The following ITPR2 variants were observed in gnomAD, a reference collection of about 807,000 sequenced individuals.
The protein encoded by ITPR2 is inositol 1,4,5-trisphosphate-gated calcium channel ITPR2.
ITPR2 carries 207 observed loss-of-function variants against 317.1 expected under a neutral mutation model. That is an observed-to-expected ratio of 0.65 (90% CI 0.58 to 0.73). The LOEUF (loss-of-function observed/expected upper bound fraction) is 0.73. Among genes scored for constraint, ITPR2 ranks in the 30% least tolerant of loss-of-function variants. The pLI is 0.00. For synonymous variants in ITPR2, 1,156 were observed against 1,149.1 expected, an observed-to-expected ratio of 1.01 and a Z score of -0.12; for missense variants, 2,613 against 3,284.0, an observed-to-expected ratio of 0.80 and a Z score of 4.99.
intron 1 of ITPR2, among the ~76,000 whole-genome samples, chr12:26,818,086 T>C (rs1222990893): frequency 6.6e-6 from 1 of 152,258 alleles, no homozygotes; most frequent in Non-Finnish European, 1.5e-5. Flanking sequence ...TTTTGTTCAA[T>C]TAAATATGTT....
In ITPR2 at chr12:26,654,078, T is replaced by G; in HGVS notation, c.2638A>C (p.Ser880Arg). 6.6e-7 allele frequency: 1 copy of G among 1,519,784 alleles called. No individual in the cohort carries two copies. The highest frequency in any genetic ancestry group is 8.8e-7 in the Non-Finnish European group (1 of 1,133,224). The allele number at this position is 1,519,784 out of a possible 1,614,324, so 94.1% of individuals were successfully genotyped here. ...NLIYFGFYSF[S>R]ELLRLTRTLL... is the part of the protein sequence containing the mutation. ...GTTCTTGTTAGCCTTAATAACTCAC[T>G]GAAACTATAAAATCCAAAGTATATA... is the stretch of plus-strand genomic sequence containing the variant. Residue 880 changes from serine (S) to arginine (R), a missense_variant, in exon 21 of 57, where the codon AGT (serine) becomes CGT (arginine). Transcript: ENST00000381340.
At chr12:26,458,274 G>A (rs1941937614) in intron 45 of ITPR2, among the ~76,000 whole-genome samples, 1 of 152,166 alleles carries the variant, frequency 6.6e-6, no homozygotes, top group African/African-American at 2.4e-5. Flanking sequence ...GGCGGTACGG[G>A]GGCCCAGGTG....
At chr12:26,469,384 C>A (rs1371491676) in intron 45 of ITPR2, among the ~76,000 whole-genome samples, 1 of 152,114 alleles carries the variant, frequency 6.6e-6, no homozygotes. Flanking sequence ...TTTAAATATG[C>A]CAAGTTCATT....
At chr12:26,518,421 A>G (rs988898828) in intron 37 of ITPR2, among the ~76,000 whole-genome samples, 1 of 152,126 alleles carries the variant, frequency 6.6e-6, no homozygotes, top group African/African-American at 2.4e-5. Context: ...ATCAGGAACT[A>G]TGCTTATTAC....
chr12:26,479,353 TTTTTACATAG>T lies in ITPR2; in HGVS notation c.6123+1768_6123+1777del, dbSNP rs369333763. On this transcript the variant is annotated intron_variant, in intron 43 of 56. Transcript: ENST00000381340. ...TTAAGTGATGCCCTCTCACTTAATTTTTTTACATAGGCTTTGATTTGTAAATAATCTATAT... is the reference window on the plus strand; with the variant it reads ...TTAAGTGATGCCCTCTCACTTAATTTGCTTTGATTTGTAAATAATCTATAT... Among the ~76,000 whole-genome samples, 7 of 151,604 alleles carry T rather than the reference TTTTTACATAG, an allele frequency of 4.6e-5. No homozygotes were observed. In the East Asian group the frequency reaches 1.3e-3, roughly 29 times the overall value.
chr12:26,685,662 T>G (rs1948110648), intron 11 of ITPR2, among the ~76,000 whole-genome samples: 1 of 152,138 alleles, frequency 6.6e-6, no homozygotes, highest in African/African-American at 2.4e-5. Flanking sequence ...TGTAAGATAT[T>G]GTCTTACCTT....
At position 26,820,026 on chromosome 12, in the gene ITPR2, A is replaced by G. The variant is rs182748497; in HGVS notation, c.92+12664T>C. 9.3e-3 allele frequency among the ~76,000 whole-genome samples: 1,415 copies of G among 152,276 alleles called. 16 individuals carry two copies. Among genetic ancestry groups the G allele is most frequent in the African/African-American group, 0.032 (1,324 of 41,544 alleles). Reference sequence around the variant, plus strand: ...GCAGAGGTTGCAGTGAGTCAAGATCATGCCACTGCACTCCAGCCTGGGTGA... The same window carrying G: ...GCAGAGGTTGCAGTGAGTCAAGATCGTGCCACTGCACTCCAGCCTGGGTGA... On this transcript the variant is annotated intron_variant, in intron 1 of 56. Coordinates refer to ENST00000381340, the MANE Select transcript of ITPR2 (RefSeq NM_002223.4).
intron 39 of ITPR2, 25 bp downstream of exon 39, chr12:26,494,128 A>C (rs542667619): frequency 1.3e-6 from 2 of 1,547,256 alleles, no homozygotes; most frequent in African/African-American, 2.8e-5. Context: ...AATAAATGTA[A>C]TCCCCATGAT....
chr12:26,448,631 C>T (rs751492548), intron 45 of ITPR2, among the ~76,000 whole-genome samples: 10 of 152,054 alleles, frequency 6.6e-5, no homozygotes, highest in Non-Finnish European at 1.5e-5. Flanking sequence ...TGCAAGCATA[C>T]AGATTAGTGA....
Position 26,697,220 on chromosome 12 carries a change from A to G in ITPR2, c.952-1570T>C, listed in dbSNP as rs143200142. On this transcript the variant is annotated intron_variant, in intron 9 of 56. Coordinates refer to ENST00000381340, the MANE Select transcript of ITPR2 (RefSeq NM_002223.4). ...AGAAAGAGGACTGAATTTTCATACTAGAGAATTTAAAAATTGAACAAAAGG... is the reference window on the plus strand; with the variant it reads ...AGAAAGAGGACTGAATTTTCATACTGGAGAATTTAAAAATTGAACAAAAGG... Among the ~76,000 whole-genome samples the G allele has an allele frequency of 2.7e-3, 411 of 152,334 alleles. 1 individual carries two copies. Among genetic ancestry groups the G allele is most frequent in the African/African-American group, 9.6e-3 (399 of 41,580 alleles).
chr12:26,394,845 T>A (rs1939947596), intron 54 of ITPR2, among the ~76,000 whole-genome samples: 2 of 152,060 alleles, frequency 1.3e-5, no homozygotes, highest in African/African-American at 4.8e-5. Context: ...GTGGGTTCAT[T>A]AGCGCATGGT....
chr12:26,731,693 G>A (rs1949031525), intron 2 of ITPR2, among the ~76,000 whole-genome samples: 1 of 152,150 alleles, frequency 6.6e-6, no homozygotes, highest in Non-Finnish European at 1.5e-5. Context: ...AGCTACTCAG[G>A]AGGCTGAGAC....
intron 55 of ITPR2, among the ~76,000 whole-genome samples, chr12:26,375,928 G>A (rs560819051): frequency 3.9e-4 from 59 of 152,210 alleles, no homozygotes; most frequent in Admixed American, 2.9e-3. Flanking sequence ...GAAAAACCCC[G>A]CCTCAACTAA....
At chr12:26,654,721 G>T (rs986549677) in intron 20 of ITPR2, among the ~76,000 whole-genome samples, 3 of 152,026 alleles carry the variant, frequency 2.0e-5, no homozygotes, top group Admixed American at 2.0e-4. Context: ...CAGATGGCTT[G>T]CTCTGAGGAA....
intron 32 of ITPR2, among the ~76,000 whole-genome samples, chr12:26,595,249 AC>A (rs1455920060): frequency 6.6e-6 from 1 of 152,166 alleles, no homozygotes; most frequent in African/African-American, 2.4e-5. Flanking sequence ...AAAAATGAAC[AC>A]TTTACCTATT....
chr12:26,375,078 A>C (rs1939296582), intron 55 of ITPR2, among the ~76,000 whole-genome samples: 1 of 152,210 alleles, frequency 6.6e-6, no homozygotes, highest in Admixed American at 6.5e-5. Context: ...TCTTATTCCC[A>C]CAACTTACAT....
Position 26,832,683 on chromosome 12 carries a change from C to A in ITPR2, c.92+7G>T, listed in dbSNP as rs1300447080. ...CGAGCGCTGCCCAGCCCTCGTCTCC[C>A]GCTTACCCCAAGGTGCTGATGAAGC... On this transcript the variant is annotated splice_region_variant and intron_variant, in intron 1 of 56. Coordinates refer to ENST00000381340, the MANE Select transcript of ITPR2 (RefSeq NM_002223.4). 2 of 1,590,608 alleles carry A rather than the reference C, an allele frequency of 1.3e-6. No homozygotes were observed. Among genetic ancestry groups the A allele is most frequent in the South Asian group, 1.1e-5 (1 of 88,720 alleles).
intron 37 of ITPR2, among the ~76,000 whole-genome samples, chr12:26,501,563 T>G (rs1943073487): frequency 1.3e-5 from 2 of 152,202 alleles, no homozygotes; most frequent in Non-Finnish European, 2.9e-5. Context: ...ACTAGTTATG[T>G]GCACTCAGAA....
At chr12:26,381,525 G>T (rs1346809829) in intron 55 of ITPR2, among the ~76,000 whole-genome samples, 1 of 152,174 alleles carries the variant, frequency 6.6e-6, no homozygotes, top group African/African-American at 2.4e-5. Context: ...GATATTACCT[G>T]CCCTGGTATT....
Sources: allele counts gnomAD v4.1 joint callset (sites outside exome capture counted in the v4.1 genomes callset), GRCh38; gene constraint gnomAD v4.1.1; transcripts MANE v1.5; gene names NCBI Gene and HGNC (gene_info 2026-07-23, HGNC 2026-07-21).